Variants in JAZF1 observed in about 807,000 individuals in gnomAD.
The protein encoded by JAZF1 is juxtaposed with another zinc finger protein 1.
In JAZF1, 8 loss-of-function variants were observed where a neutral mutation model predicts 26.4. The ratio of observed to expected loss-of-function variants is 0.30; its 90% CI spans 0.18 to 0.55. The LOEUF (loss-of-function observed/expected upper bound fraction) is 0.55, where lower values mean the gene tolerates loss of function less well. Among genes scored for constraint, JAZF1 ranks in the 20% least tolerant of loss-of-function variants. JAZF1 has a pLI of 0.94. For synonymous variants in JAZF1, 126 were observed against 122.3 expected, an observed-to-expected ratio of 1.03 and a Z score of -0.20; for missense variants, 199 against 322.0, an observed-to-expected ratio of 0.62 and a Z score of 2.92.
chr7:27,889,915 AGAGT>A (rs1035649199), intron 3 of JAZF1, among the ~76,000 whole-genome samples: 25 of 140,980 alleles, frequency 1.8e-4, no homozygotes, highest in East Asian at 6.3e-4. Flanking sequence ...CCTGAGTGAT[AGAGT>A]GAGACTTTCT....
intron 2 of JAZF1, among the ~76,000 whole-genome samples, chr7:27,945,823 T>C (rs1010638502): frequency 2.6e-5 from 4 of 152,232 alleles, no homozygotes; most frequent in African/African-American, 9.6e-5. Flanking sequence ...TCACAGAATA[T>C]TGACAACCAT....
intron 1 of JAZF1, among the ~76,000 whole-genome samples, chr7:28,109,176 T>C (rs767284692): frequency 3.3e-5 from 5 of 152,224 alleles, no homozygotes; most frequent in African/African-American, 9.6e-5. Flanking sequence ...CTGTTTTACA[T>C]ACTTGAAAGC....
chr7:28,082,921 T>C (rs927055139), intron 1 of JAZF1, among the ~76,000 whole-genome samples: 17 of 152,188 alleles, frequency 1.1e-4, no homozygotes, highest in Admixed American at 1.1e-3. Flanking sequence ...AGTGCCTTCC[T>C]TCAGTCTGTG....
rs145425765 is a variant in JAZF1, at chr7:28,139,763, C to T, written c.115+40700G>A. Among the ~76,000 whole-genome samples, 13 of 152,268 alleles carry T rather than the reference C, an allele frequency of 8.5e-5. No homozygotes were observed. In the East Asian group the frequency reaches 2.5e-3, roughly 29 times the overall value. Reference sequence around the variant, plus strand: ...TCCTGTTTCCCTACACTCAATAATTCGTTCATTTAATCACATTTACTGAGG... The same window carrying T: ...TCCTGTTTCCCTACACTCAATAATTTGTTCATTTAATCACATTTACTGAGG... On this transcript the variant is annotated intron_variant, in intron 1 of 4. Transcript: ENST00000283928.
intron 1 of JAZF1, among the ~76,000 whole-genome samples, chr7:28,046,545 A>C (rs1294162559): frequency 6.6e-6 from 1 of 152,194 alleles, no homozygotes; most frequent in Non-Finnish European, 1.5e-5. Context: ...GGTCAAAAAT[A>C]GTATGGTTTA....
intron 1 of JAZF1, among the ~76,000 whole-genome samples, chr7:28,071,084 G>T (rs549627190): frequency 1.4e-4 from 21 of 152,272 alleles, no homozygotes. Flanking sequence ...CATGGGGAAG[G>T]CAGCTGCCTA....
At chr7:27,853,515 C>T (rs1290170749) in intron 3 of JAZF1, among the ~76,000 whole-genome samples, 1 of 152,190 alleles carries the variant, frequency 6.6e-6, no homozygotes, top group Middle Eastern at 3.2e-3. Context: ...GTGCCCTGAG[C>T]TGCCACGACA....
chr7:27,887,330 T>C (rs1043643258), intron 3 of JAZF1, among the ~76,000 whole-genome samples: 2 of 152,200 alleles, frequency 1.3e-5, no homozygotes, highest in East Asian at 1.9e-4. Flanking sequence ...AGGATCAAAT[T>C]AGATGGTGAA....
intron 1 of JAZF1, among the ~76,000 whole-genome samples, chr7:28,012,513 T>G (rs1334642347): frequency 6.6e-6 from 1 of 152,206 alleles, no homozygotes; most frequent in South Asian, 2.1e-4. Context: ...ACAAATTTGT[T>G]GTTGATAGGT....
At chr7:28,070,400 C>G (rs17156357) in intron 1 of JAZF1, among the ~76,000 whole-genome samples, 9,415 of 152,232 alleles carry the variant, frequency 0.062, 972 homozygotes, top group African/African-American at 0.21. Context: ...TCCACGTCCA[C>G]ATAGAAAAGA....
At position 27,841,002 on chromosome 7, in the gene JAZF1, C is replaced by G. The variant is rs116686478; in HGVS notation, c.386-135G>C. The G allele has an allele frequency of 8.8e-6, 7 of 796,132 alleles. No individual in the cohort carries two copies. The Admixed American group carries it at 1.0e-4, about 12-fold the overall frequency. The allele number at this position is 796,132 out of a possible 1,614,324, so 49.3% of individuals were successfully genotyped here. On this transcript the variant is annotated intron_variant, in intron 3 of 4. Transcript: ENST00000283928. ...CCCAGGGAGAGGGCACTCCCGGCAC[C>G]AGGGGACTGCAAACACGGCTATTCC...
At chr7:28,158,803 A>T (rs924984415) in intron 1 of JAZF1, among the ~76,000 whole-genome samples, 5 of 152,168 alleles carry the variant, frequency 3.3e-5, no homozygotes, top group African/African-American at 7.2e-5. Flanking sequence ...TGCCATTGAG[A>T]ATTCAATCTG....
At chr7:28,164,786 C>A (rs1399231209) in intron 1 of JAZF1, among the ~76,000 whole-genome samples, 2 of 152,184 alleles carry the variant, frequency 1.3e-5, no homozygotes, top group Non-Finnish European at 2.9e-5. Flanking sequence ...CCACTAAAAT[C>A]TATGCAGATT....
chr7:28,096,782 C>A (rs149290996), intron 1 of JAZF1, among the ~76,000 whole-genome samples: 40 of 152,160 alleles, frequency 2.6e-4, no homozygotes, highest in African/African-American at 9.6e-4. Flanking sequence ...CAGCCATGGC[C>A]GTGGGAAGCT....
chr7:27,886,374 A>G (rs141308898), intron 3 of JAZF1, among the ~76,000 whole-genome samples: 46 of 152,258 alleles, frequency 3.0e-4, no homozygotes, highest in Middle Eastern at 3.4e-3. Flanking sequence ...AGATTTGCAT[A>G]CCACCTTTAG....
At chr7:27,957,660 G>A (rs1342496572) in intron 2 of JAZF1, among the ~76,000 whole-genome samples, 1 of 152,134 alleles carries the variant, frequency 6.6e-6, no homozygotes, top group Non-Finnish European at 1.5e-5. Flanking sequence ...TCTTGCAAAT[G>A]CCCCTGCTCC....
At chr7:27,880,208 C>A (rs1180257747) in intron 3 of JAZF1, among the ~76,000 whole-genome samples, 3 of 152,160 alleles carry the variant, frequency 2.0e-5, no homozygotes, top group Middle Eastern at 3.4e-3. Flanking sequence ...CTAGTCCTGG[C>A]AAAACTTCCA....
In JAZF1 at chr7:28,044,522, G is replaced by A. The variant is rs1051440741; in HGVS notation, c.116-52541C>T. Among the ~76,000 whole-genome samples the A allele has an allele frequency of 2.0e-5, 3 of 152,142 alleles. No individual in the cohort carries two copies. In the South Asian group the frequency reaches 6.2e-4, roughly 31 times the overall value. On this transcript the variant is annotated intron_variant, in intron 1 of 4. Transcript: ENST00000283928. ...TGTCTGCACTGTCCTAGCTGATGAGGTGATATGCCAAAAATTTTAAGAGTC... is the reference window on the plus strand; with the variant it reads ...TGTCTGCACTGTCCTAGCTGATGAGATGATATGCCAAAAATTTTAAGAGTC...
intron 2 of JAZF1, among the ~76,000 whole-genome samples, chr7:27,915,631 TACA>T (rs945908714): frequency 1.3e-5 from 2 of 152,254 alleles, no homozygotes; most frequent in African/African-American, 4.8e-5. Flanking sequence ...GTTCTTCAAC[TACA>T]ACATTTAGGT....
Sources: allele counts gnomAD v4.1 joint callset (sites outside exome capture counted in the v4.1 genomes callset), GRCh38; gene constraint gnomAD v4.1.1; transcripts MANE v1.5; gene names NCBI Gene and HGNC (gene_info 2026-07-23, HGNC 2026-07-21).